Variants in MDFIC2 observed in about 807,000 individuals in gnomAD.
MDFIC2 encodes the protein myoD family inhibitor domain-containing protein 2.
intron 2 of MDFIC2, among the ~76,000 whole-genome samples, chr3:70,226,591 A>T (rs895337288): frequency 6.6e-6 from 1 of 151,614 alleles, no homozygotes; most frequent in African/African-American, 2.4e-5. Context: ...TACAAAAATT[A>T]GCCAGGCATG....
Position 70,309,758 on chromosome 3 carries a change from G to T in MDFIC2, c.88+2128C>A, listed in dbSNP as rs541652392. Among the ~76,000 whole-genome samples, 14 of 152,248 alleles carry T rather than the reference G, an allele frequency of 9.2e-5. No homozygotes were observed. The South Asian group carries it at 2.1e-3, about 23-fold the overall frequency. ...TTAAGATGTTGTCATCTAGCATCTG[G>T]CTCAATTTCCTTTTATGAAATATAG... is the stretch of plus-strand genomic sequence containing the variant. On this transcript the variant is annotated intron_variant, in intron 2 of 3. Transcript: ENST00000567252.
intron 2 of MDFIC2, among the ~76,000 whole-genome samples, chr3:70,243,967 T>C (rs1701682655): frequency 6.6e-6 from 1 of 152,198 alleles, no homozygotes. Flanking sequence ...TTGCTTCTGA[T>C]CTGCTAATTA....
At chr3:70,263,216 C>T (rs1320665691) in intron 2 of MDFIC2, among the ~76,000 whole-genome samples, 2 of 152,008 alleles carry the variant, frequency 1.3e-5, no homozygotes, top group Non-Finnish European at 2.9e-5. Flanking sequence ...TATTTTCCTG[C>T]TTCTTCTTTC....
chr3:70,228,912 A>T (rs945481194), intron 2 of MDFIC2, among the ~76,000 whole-genome samples: 13 of 152,100 alleles, frequency 8.5e-5, no homozygotes, highest in African/African-American at 3.1e-4. Context: ...ACTCAGCTAA[A>T]AGGTGTGAGT....
intron 2 of MDFIC2, among the ~76,000 whole-genome samples, chr3:70,263,159 A>G (rs1286070866): frequency 1.3e-5 from 2 of 152,046 alleles, no homozygotes; most frequent in African/African-American, 4.8e-5. Context: ...TTTGTCATTA[A>G]TGGTTCTGTT....
chr3:70,282,333 C>T (rs1702094091), intron 2 of MDFIC2, among the ~76,000 whole-genome samples: 1 of 152,162 alleles, frequency 6.6e-6, no homozygotes, highest in Non-Finnish European at 1.5e-5. Flanking sequence ...ATCTGATGTG[C>T]TCCCCTATCA....
chr3:70,211,397 CT>C (rs1559535963), intron 2 of MDFIC2, among the ~76,000 whole-genome samples: 1 of 6,632 alleles, frequency 1.5e-4, no homozygotes, highest in African/African-American at 2.0e-4. Context: ...TTTCCCTTCC[CT>C]TCCTTTTGCC....
chr3:70,298,930 G>A (rs541291374), intron 2 of MDFIC2, among the ~76,000 whole-genome samples: 24 of 152,180 alleles, frequency 1.6e-4, no homozygotes, highest in Admixed American at 5.9e-4. Context: ...AAAAAGCACG[G>A]TAATACTTCT....
intron 2 of MDFIC2, among the ~76,000 whole-genome samples, chr3:70,254,904 T>C (rs1701800634): frequency 6.6e-6 from 1 of 152,224 alleles, no homozygotes; most frequent in Non-Finnish European, 1.5e-5. Context: ...GTATTTCCTT[T>C]TCCGACTGTA....
chr3:70,218,222 T>C (rs1176938773), intron 2 of MDFIC2, among the ~76,000 whole-genome samples: 1 of 152,148 alleles, frequency 6.6e-6, no homozygotes, highest in Non-Finnish European at 1.5e-5. Flanking sequence ...TTAAAACACT[T>C]ATTTCTATTT....
At chr3:70,284,239 G>C (rs1023265677) in intron 2 of MDFIC2, among the ~76,000 whole-genome samples, 2 of 152,052 alleles carry the variant, frequency 1.3e-5, no homozygotes, top group African/African-American at 2.4e-5. Context: ...ATAGTAATTA[G>C]GACAAGGCCA....
At chr3:70,261,125 A>G (rs1040890402) in intron 2 of MDFIC2, among the ~76,000 whole-genome samples, 16 of 152,178 alleles carry the variant, frequency 1.1e-4, no homozygotes, top group Non-Finnish European at 1.8e-4. Flanking sequence ...CAAAAATCAG[A>G]TGTCCATTAG....
chr3:70,292,955 A>G (rs980535592), intron 2 of MDFIC2, among the ~76,000 whole-genome samples: 6 of 151,302 alleles, frequency 4.0e-5, no homozygotes, highest in Non-Finnish European at 8.8e-5. Flanking sequence ...ACAATTAATT[A>G]CTAACAATTT....
At chr3:70,291,218 C>T (rs545846391) in intron 2 of MDFIC2, 5 of 152,280 alleles carry the variant, frequency 3.3e-5, no homozygotes, top group Non-Finnish European at 5.9e-5. Flanking sequence ...AAATCAGCTC[C>T]TCCACCTACC....
intron 2 of MDFIC2, among the ~76,000 whole-genome samples, chr3:70,306,478 T>C (rs780478756): frequency 2.6e-5 from 4 of 152,046 alleles, no homozygotes; most frequent in Non-Finnish European, 5.9e-5. Flanking sequence ...GAAGCTATAC[T>C]TAATTCAAAA....
At chr3:70,244,231 A>G (rs916036269) in intron 2 of MDFIC2, among the ~76,000 whole-genome samples, 1 of 152,224 alleles carries the variant, frequency 6.6e-6, no homozygotes, top group African/African-American at 2.4e-5. Flanking sequence ...AATGCACTCC[A>G]GTAAGGAACT....
At chr3:70,214,683 A>G (rs1051062327) in intron 2 of MDFIC2, among the ~76,000 whole-genome samples, 2 of 151,336 alleles carry the variant, frequency 1.3e-5, no homozygotes, top group Admixed American at 6.6e-5. Flanking sequence ...GCACCTGTAG[A>G]CAGACATAGG....
intron 2 of MDFIC2, 112 bp from the exon 3 acceptor site, chr3:70,206,902 G>C (rs2106724727): frequency 2.5e-6 from 1 of 394,628 alleles, no homozygotes; most frequent in East Asian, 3.6e-5. Context: ...AAAGTCTTAA[G>C]AAAACAAATG....
At chr3:70,216,905 G>A (rs1701416947) in intron 2 of MDFIC2, among the ~76,000 whole-genome samples, 1 of 152,088 alleles carries the variant, frequency 6.6e-6, no homozygotes, top group African/African-American at 2.4e-5. Context: ...AACCTATTAT[G>A]CACAGGGACC....
Sources: allele counts gnomAD v4.1 joint callset (sites outside exome capture counted in the v4.1 genomes callset), GRCh38; gene constraint gnomAD v4.1.1; transcripts MANE v1.5; gene names NCBI Gene and HGNC (gene_info 2026-07-23, HGNC 2026-07-21).